Variants in MAPK10 observed in about 807,000 individuals in gnomAD.
The protein encoded by MAPK10 is mitogen-activated protein kinase 10.
In MAPK10, 25 loss-of-function variants were observed where a neutral mutation model predicts 59.3. That is an observed-to-expected ratio of 0.42 (90% confidence interval 0.31 to 0.59). MAPK10 has a LOEUF of 0.59. MAPK10 is among the 20% of genes least tolerant of loss of function. The pLI, the probability that MAPK10 is intolerant of heterozygous loss-of-function variation, is 0.15. For missense variants in MAPK10, 351 were observed against 568.9 expected (o/e 0.62, Z 3.90); for synonymous variants, 190 against 200.5 (o/e 0.95, Z 0.44).
At chr4:86,575,998 CGT>C (rs56886437) in intron 1 of MAPK10, among the ~76,000 whole-genome samples, 34,724 of 146,916 alleles carry the variant, frequency 0.24, 4,692 homozygotes, top group Admixed American at 0.31. Context: ...TGTGTGTATG[CGT>C]GTGTGTGTGT....
intron 1 of MAPK10, among the ~76,000 whole-genome samples, chr4:86,494,791 T>C (rs1384641324): frequency 2.4e-5 from 3 of 125,198 alleles, no homozygotes; most frequent in Non-Finnish European, 1.5e-5. Context: ...TGCAGTGAGC[T>C]GAGATCGTGC....
intron 1 of MAPK10, among the ~76,000 whole-genome samples, chr4:86,413,967 T>G (rs1301895139): frequency 6.6e-6 from 1 of 152,144 alleles, no homozygotes; most frequent in African/African-American, 2.4e-5. Context: ...GGTACCCCAG[T>G]TGGAAATGCA....
chr4:86,516,638 G>GT (rs112599289), intron 1 of MAPK10, among the ~76,000 whole-genome samples: 39 of 151,608 alleles, frequency 2.6e-4, no homozygotes, highest in Middle Eastern at 6.8e-3. Context: ...TTTTGTTGTT[G>GT]TTGTTTGTTT....
At chr4:86,164,123 T>C (rs1372906471) in intron 3 of MAPK10, among the ~76,000 whole-genome samples, 1 of 152,188 alleles carries the variant, frequency 6.6e-6, no homozygotes, top group African/African-American at 2.4e-5. Context: ...TTTTGAATGA[T>C]ATAGCTGAAA....
intron 1 of MAPK10, among the ~76,000 whole-genome samples, chr4:86,528,735 G>A (rs1757656006): frequency 3.3e-5 from 5 of 152,142 alleles, no homozygotes; most frequent in Admixed American, 2.0e-4. Flanking sequence ...TATTTTTCCA[G>A]TAAATGCCCC....
chr4:86,381,006 A>G (rs759006606), intron 1 of MAPK10, among the ~76,000 whole-genome samples: 5 of 152,140 alleles, frequency 3.3e-5, no homozygotes, highest in Non-Finnish European at 7.4e-5. Flanking sequence ...TTGCAAACTC[A>G]TTGTTCTAGA....
At position 86,194,321 on chromosome 4, in the gene MAPK10, G is replaced by T. The variant is rs757051886; in HGVS notation, c.66+15C>A. ...GAATATACTGTACCTTGTTTTACCT[G>T]TAAGGAACACACACCTGACAAAAGG... On this transcript the variant is annotated intron_variant, in intron 3 of 13. Coordinates refer to ENST00000641462, the MANE Select transcript of MAPK10 (RefSeq NM_138982.4). 3 of 1,606,526 alleles carry T rather than the reference G, an allele frequency of 1.9e-6. No homozygotes were observed. The South Asian group carries it at 3.3e-5, about 18-fold the overall frequency.
chr4:86,279,542 A>G (rs2094715067), intron 2 of MAPK10, among the ~76,000 whole-genome samples: 1 of 152,212 alleles, frequency 6.6e-6, no homozygotes, highest in Non-Finnish European at 1.5e-5. Flanking sequence ...CATATGGTAG[A>G]GCAGTGTGTG....
intron 3 of MAPK10, among the ~76,000 whole-genome samples, chr4:86,172,392 C>A (rs1481390987): frequency 6.7e-6 from 1 of 149,938 alleles, no homozygotes; most frequent in Non-Finnish European, 1.5e-5. Flanking sequence ...TACTATGCAG[C>A]CATAAAAAAT....
chr4:86,504,632 CT>C lies in MAPK10; in HGVS notation c.-263+89277del, dbSNP rs370982450. On this transcript the variant is annotated intron_variant, in intron 1 of 4. Transcript: ENST00000502302. ...AACCACTGCCTTTTCATCAAGTTGT[CT>C]ATAAACATTCACACCTGTTCCTTTG... 1.3e-3 allele frequency among the ~76,000 whole-genome samples: 192 copies of C among 152,224 alleles called. 1 individual carries two copies. Among genetic ancestry groups the C allele is most frequent in the African/African-American group, 4.2e-3 (174 of 41,540 alleles).
At chr4:86,282,059 G>C (rs2094830036) in intron 2 of MAPK10, among the ~76,000 whole-genome samples, 3 of 152,126 alleles carry the variant, frequency 2.0e-5, no homozygotes. Context: ...AAATGTAAAT[G>C]CTACATTATT....
rs149030877 is a variant in MAPK10 at position 86,275,650 on chromosome 4, A to C, written c.-7+78880T>G. ...CTACTACTTTTCATGGCCAAAAAAA[A>C]CACACAATTACTTTTGCTCCAACCT... On this transcript the variant is annotated intron_variant, in intron 2 of 13. Transcript: ENST00000641462. Among the ~76,000 whole-genome samples, 890 of 152,180 alleles carry C rather than the reference A, an allele frequency of 5.8e-3. 8 individuals carry two copies. The highest frequency in any genetic ancestry group is 0.02 in the African/African-American group (836 of 41,554).
chr4:86,330,979 T>C (rs541888733), intron 2 of MAPK10, among the ~76,000 whole-genome samples: 1 of 152,214 alleles, frequency 6.6e-6, no homozygotes, highest in South Asian at 2.1e-4. Flanking sequence ...TATAGCACAA[T>C]AGCTAGCATG....
intron 1 of MAPK10, among the ~76,000 whole-genome samples, chr4:86,425,193 T>C (rs1226507802): frequency 1.3e-5 from 2 of 152,194 alleles, no homozygotes; most frequent in Admixed American, 6.5e-5. Flanking sequence ...CAAAACCTGT[T>C]TTTCTCCTAA....
chr4:86,508,557 G>A (rs1417683524), intron 1 of MAPK10, among the ~76,000 whole-genome samples: 1 of 152,090 alleles, frequency 6.6e-6, no homozygotes, highest in Non-Finnish European at 1.5e-5. Context: ...TGGTGCATCC[G>A]GCTTAATATT....
intron 12 of MAPK10, 64 bp downstream of exon 12, chr4:86,031,304 G>A: frequency 3.5e-6 from 4 of 1,135,732 alleles, no homozygotes; most frequent in Non-Finnish European, 5.3e-6. Context: ...ACAAGGAAAA[G>A]CCTTGTTGAT....
intron 5 of MAPK10, among the ~76,000 whole-genome samples, chr4:86,106,148 A>G (rs1004997337): frequency 6.6e-6 from 1 of 152,148 alleles, no homozygotes; most frequent in Non-Finnish European, 1.5e-5. Flanking sequence ...ACAGAGGAAA[A>G]GAGAAATACT....
At chr4:86,363,622 C>T (rs932462111), upstream of MAPK10, among the ~76,000 whole-genome samples, 2 of 151,898 alleles carry the variant, frequency 1.3e-5, no homozygotes, top group African/African-American at 2.4e-5. Context: ...TAACTGAGAC[C>T]TCACATCATT....
chr4:86,229,895 A>G (rs1343083885), intron 2 of MAPK10, among the ~76,000 whole-genome samples: 1 of 152,034 alleles, frequency 6.6e-6, no homozygotes, highest in Non-Finnish European at 1.5e-5. Context: ...GTCTCTACAA[A>G]AAAAAAAATC....
Sources: allele counts gnomAD v4.1 joint callset (sites outside exome capture counted in the v4.1 genomes callset), GRCh38; gene constraint gnomAD v4.1.1; transcripts MANE v1.5; gene names NCBI Gene and HGNC (gene_info 2026-07-23, HGNC 2026-07-21).